PDE7B: variants seen among roughly 807,000 people sequenced by gnomAD.
PDE7B encodes 3',5'-cyclic-AMP phosphodiesterase 7B.
In PDE7B, 29 loss-of-function variants were observed where a neutral mutation model predicts 56.2. The observed-to-expected ratio is 0.52, with a 90% CI of 0.38 to 0.70. The LOEUF is 0.70. PDE7B is among the 30% of genes least tolerant of loss of function. The pLI, the probability that PDE7B is intolerant of heterozygous loss-of-function variation, is 0.00. For synonymous variants in PDE7B, 197 were observed against 196.9 expected (o/e 1.00, Z 0.00); for missense variants, 490 against 565.0 (o/e 0.87, Z 1.35).
At chr6:135,932,633 A>C (rs891912036) in intron 1 of PDE7B, among the ~76,000 whole-genome samples, 2 of 152,208 alleles carry the variant, frequency 1.3e-5, no homozygotes, top group African/African-American at 4.8e-5. Context: ...TTTCCTGATC[A>C]TATCTAACCC....
At chr6:136,030,594 G>A (rs1487513511) in intron 2 of PDE7B, among the ~76,000 whole-genome samples, 1 of 152,130 alleles carries the variant, frequency 6.6e-6, no homozygotes, top group African/African-American at 2.4e-5. Context: ...TTATCTCTTT[G>A]AGGAATCATC....
intron 2 of PDE7B, among the ~76,000 whole-genome samples, chr6:136,003,321 A>G (rs1775709034): frequency 6.6e-6 from 1 of 151,214 alleles, no homozygotes; most frequent in South Asian, 2.1e-4. Flanking sequence ...CACATTCAAA[A>G]GCTAGCAGAA....
At chr6:136,002,202 T>G (rs772437712) in intron 2 of PDE7B, among the ~76,000 whole-genome samples, 30 of 152,084 alleles carry the variant, frequency 2.0e-4, no homozygotes, top group Non-Finnish European at 3.2e-4. Flanking sequence ...TGAAGGAAGC[T>G]CTAAACATGG....
chr6:136,001,981 A>T (rs1013157496), intron 2 of PDE7B, among the ~76,000 whole-genome samples: 4 of 152,218 alleles, frequency 2.6e-5, no homozygotes, highest in African/African-American at 7.2e-5. Flanking sequence ...AGGGAAGCCC[A>T]TCAGACTAAC....
At chr6:136,071,507 T>G (rs1371456897) in intron 2 of PDE7B, among the ~76,000 whole-genome samples, 1 of 152,190 alleles carries the variant, frequency 6.6e-6, no homozygotes, top group Non-Finnish European at 1.5e-5. Flanking sequence ...TCTGAAGTAT[T>G]GAGAATTTTA....
intron 1 of PDE7B, among the ~76,000 whole-genome samples, chr6:135,933,107 G>T (rs1393809113): frequency 1.3e-5 from 2 of 152,182 alleles, no homozygotes; most frequent in African/African-American, 4.8e-5. Flanking sequence ...AGGTCAAAGA[G>T]CTAGGATACA....
chr6:136,173,683 GTCA>G (rs957303895), intron 8 of PDE7B, 111 bp from the exon 9 acceptor site: 1 of 716,102 alleles, frequency 1.4e-6, no homozygotes, highest in South Asian at 1.6e-5. Context: ...CTGCCTCTGG[GTCA>G]TCAAGTACAA....
intron 2 of PDE7B, among the ~76,000 whole-genome samples, chr6:135,949,532 A>G (rs1342241): frequency 0.3 from 44,879 of 151,994 alleles, 8,184 homozygotes; most frequent in Admixed American, 0.48. Context: ...TGTCATAATA[A>G]TTACAGTTAA....
At chr6:136,135,045 GCTC>G (rs1273766446) in intron 3 of PDE7B, among the ~76,000 whole-genome samples, 1 of 151,948 alleles carries the variant, frequency 6.6e-6, no homozygotes, top group African/African-American at 2.4e-5. Context: ...TCCTCCCCCT[GCTC>G]CTCCCACTTG....
In PDE7B at chr6:135,927,978, A is replaced by G. The variant is rs765622694; in HGVS notation, c.22-19486A>G. On this transcript the variant is annotated intron_variant, in intron 1 of 12. Coordinates refer to ENST00000308191, the MANE Select transcript of PDE7B (RefSeq NM_018945.4). ...TCCCATTAAAAATTGGGCATCAGTCATGAGCAGACACTTCTCAAAAGAAGA... is the reference window on the plus strand; with the variant it reads ...TCCCATTAAAAATTGGGCATCAGTCGTGAGCAGACACTTCTCAAAAGAAGA... Among the ~76,000 whole-genome samples the G allele has an allele frequency of 9.0e-4, 137 of 152,196 alleles. 2 individuals carry two copies. The highest frequency in any genetic ancestry group is 4.8e-3 in the Admixed American group (74 of 15,280).
At chr6:135,970,850 A>G (rs1775083312) in intron 2 of PDE7B, among the ~76,000 whole-genome samples, 1 of 152,140 alleles carries the variant, frequency 6.6e-6, no homozygotes, top group African/African-American at 2.4e-5. Flanking sequence ...AATATTTTGA[A>G]GGTAGAGCTG....
At chr6:136,008,430 A>C (rs1379914766) in intron 2 of PDE7B, among the ~76,000 whole-genome samples, 1 of 152,200 alleles carries the variant, frequency 6.6e-6, no homozygotes, top group African/African-American at 2.4e-5. Flanking sequence ...CAATGGTTGA[A>C]CTAGTGTAGA....
chr6:135,890,681 A>G (rs1775795332), intron 1 of PDE7B, among the ~76,000 whole-genome samples: 1 of 152,216 alleles, frequency 6.6e-6, no homozygotes, highest in Non-Finnish European at 1.5e-5. Flanking sequence ...AGAGGCAGTC[A>G]CTATAAACTC....
intron 2 of PDE7B, among the ~76,000 whole-genome samples, chr6:136,003,163 G>A (rs1011057774): frequency 1.3e-5 from 2 of 152,000 alleles, no homozygotes; most frequent in African/African-American, 4.8e-5. Flanking sequence ...CGAGAACAAA[G>A]ACACAACATA....
chr6:136,070,752 C>A (rs937617453), intron 2 of PDE7B, among the ~76,000 whole-genome samples: 1 of 151,826 alleles, frequency 6.6e-6, no homozygotes, highest in Non-Finnish European at 1.5e-5. Context: ...TTTATTATGA[C>A]CAAACTAAAA....
intron 2 of PDE7B, among the ~76,000 whole-genome samples, chr6:135,973,185 G>A (rs1045670494): frequency 2.0e-5 from 3 of 152,024 alleles, no homozygotes; most frequent in Admixed American, 6.6e-5. Flanking sequence ...TTGATTCTAT[G>A]AATTTGACTA....
intron 3 of PDE7B, among the ~76,000 whole-genome samples, chr6:136,140,072 T>G (rs1778292399): frequency 2.0e-5 from 3 of 152,348 alleles, no homozygotes; most frequent in Admixed American, 2.0e-4. Context: ...TGGTAATGCC[T>G]AGGTTTTCTT....
chr6:136,117,831 C>A (rs1298534015), intron 3 of PDE7B, among the ~76,000 whole-genome samples: 1 of 152,138 alleles, frequency 6.6e-6, no homozygotes, highest in Non-Finnish European at 1.5e-5. Flanking sequence ...CCTTCACAAC[C>A]AAACCACGGC....
At chr6:135,913,715 C>T (rs1026978820) in intron 1 of PDE7B, among the ~76,000 whole-genome samples, 1 of 152,088 alleles carries the variant, frequency 6.6e-6, no homozygotes, top group Non-Finnish European at 1.5e-5. Flanking sequence ...TTTAATAAAA[C>T]CCTAGTTTTT....
Sources: gnomAD v4.1 joint callset for allele counts (sites outside exome capture counted in the v4.1 genomes callset) on GRCh38, gnomAD v4.1.1 for gene constraint, MANE v1.5 for transcripts, NCBI Gene and HGNC (gene_info 2026-07-23, HGNC 2026-07-21) for gene names.